Variants in CFAP161 observed in about 807,000 individuals in gnomAD.
CFAP161 encodes the protein cilia- and flagella-associated protein 161.
CFAP161 carries 25 observed loss-of-function variants against 29.0 expected under a neutral mutation model. The ratio of observed to expected loss-of-function variants is 0.86; its 90% CI spans 0.63 to 1.20. The LOEUF (loss-of-function observed/expected upper bound fraction) is 1.20. Among genes scored for constraint, CFAP161 ranks in the 50% most tolerant of loss-of-function variants. The pLI is 0.00. For missense variants in CFAP161, 367 were observed against 371.9 expected (o/e 0.99, Z 0.11); for synonymous variants, 116 against 137.4 (o/e 0.84, Z 1.09).
At chr15:81,103,212 A>G (rs1194152803) in intron 1 of CFAP161, among the ~76,000 whole-genome samples, 2 of 152,220 alleles carry the variant, frequency 1.3e-5, no homozygotes, top group African/African-American at 4.8e-5. Flanking sequence ...AGATAGTATT[A>G]CTGTAGTGTT....
Position 81,136,761 on chromosome 15 carries a change from T to G in CFAP161, c.392+13T>G, listed in dbSNP as rs751301994. ...TTATCATTTTGAGGTAAAGAGACTT[T>G]AATTTTCAGTTCATTTTCATCATAA... On this transcript the variant is annotated intron_variant, in intron 3 of 6. Transcript: ENST00000286732. The G allele has an allele frequency of 1.3e-6, 2 of 1,586,452 alleles. No individual in the cohort carries two copies. Among genetic ancestry groups the G allele is most frequent in the African/African-American group, 2.7e-5 (2 of 74,218 alleles).
chr15:81,130,606 A>G (rs1321861550), upstream of CFAP161, among the ~76,000 whole-genome samples: 1 of 152,230 alleles, frequency 6.6e-6, no homozygotes, highest in Non-Finnish European at 1.5e-5. Flanking sequence ...AGGCTGAGGC[A>G]GGAGAATCGC....
chr15:81,147,295 T>C (rs1464014628), intron 5 of CFAP161, among the ~76,000 whole-genome samples: 1 of 152,062 alleles, frequency 6.6e-6, no homozygotes, highest in Non-Finnish European at 1.5e-5. Context: ...TCCCCCCCAG[T>C]ACCCGCTCTT....
At chr15:81,110,070 T>C (rs547981440) in intron 1 of CFAP161, among the ~76,000 whole-genome samples, 4 of 152,302 alleles carry the variant, frequency 2.6e-5, no homozygotes, top group Non-Finnish European at 4.4e-5. Context: ...GTCTTATCCT[T>C]CTTAGTGCCT....
chr15:81,146,855 TATATATATATATATATATATATATA>T (rs1895015834), intron 5 of CFAP161, among the ~76,000 whole-genome samples: 1 of 50,236 alleles, frequency 2.0e-5, no homozygotes, highest in African/African-American at 1.4e-4. Flanking sequence ...TATATATATA[TATATATATATATATATATATATATA>T]TATTTAAAAA....
At chr15:81,124,909 G>A (rs1276286769) in intron 1 of CFAP161, among the ~76,000 whole-genome samples, 3 of 151,864 alleles carry the variant, frequency 2.0e-5, no homozygotes, top group Admixed American at 6.6e-5. Flanking sequence ...TATATTAATA[G>A]ACTCATATAC....
intron 1 of CFAP161, among the ~76,000 whole-genome samples, chr15:81,123,976 A>G (rs1041921691): frequency 3.9e-5 from 6 of 152,304 alleles, no homozygotes; most frequent in African/African-American, 1.4e-4. Flanking sequence ...GGATCATGTC[A>G]TCTACAAACA....
Position 81,125,644 on chromosome 15 carries a change from G to A in CFAP161, c.-141-1946G>A, listed in dbSNP as rs114171551. Among the ~76,000 whole-genome samples the A allele has an allele frequency of 9.2e-3, 1,404 of 152,114 alleles. 27 individuals carry two copies. The highest frequency in any genetic ancestry group is 0.032 in the African/African-American group (1,343 of 41,468). ...GAACTAAAAGGTATCTGGGCTAATG[G>A]CTATATACATATTATATTTTATATG... is the stretch of plus-strand genomic sequence containing the variant. On this transcript the variant is annotated intron_variant, in intron 1 of 4. Transcript: ENST00000560091.
chr15:81,112,056 A>G (rs1894445098), intron 1 of CFAP161, among the ~76,000 whole-genome samples: 1 of 152,188 alleles, frequency 6.6e-6, no homozygotes, highest in South Asian at 2.1e-4. Flanking sequence ...TTTCACACCT[A>G]TTAACATATT....
At chr15:81,140,592 T>C (rs180712618) in intron 4 of CFAP161, among the ~76,000 whole-genome samples, 1 of 151,886 alleles carries the variant, frequency 6.6e-6, no homozygotes, top group East Asian at 1.9e-4. Flanking sequence ...AGGGTCTCAC[T>C]CTGTCACTTA....
intron 5 of CFAP161, among the ~76,000 whole-genome samples, chr15:81,144,421 C>G (rs976880438): frequency 6.6e-6 from 1 of 152,032 alleles, no homozygotes; most frequent in Non-Finnish European, 1.5e-5. Context: ...ATGGCAAAAC[C>G]CCTGTCTCTA....
chr15:81,131,070 T>C (rs117076288), upstream of CFAP161, among the ~76,000 whole-genome samples: 453 of 150,230 alleles, frequency 3.0e-3, 17 homozygotes, highest in East Asian at 0.08. Flanking sequence ...GAAGTGAGCG[T>C]ATGCTGTTGG....
chr15:81,138,864 A>G (rs1359734903), intron 4 of CFAP161, among the ~76,000 whole-genome samples: 2 of 152,212 alleles, frequency 1.3e-5, no homozygotes, highest in Admixed American at 6.5e-5. Flanking sequence ...TGAGGCACCA[A>G]GAGGTTAAGT....
intron 1 of CFAP161, among the ~76,000 whole-genome samples, chr15:81,104,632 A>G (rs1894340087): frequency 6.6e-6 from 1 of 152,234 alleles, no homozygotes; most frequent in African/African-American, 2.4e-5. Context: ...AATATATAAA[A>G]GAATTCTTTC....
At chr15:81,134,191 G>A (rs373743851), upstream of CFAP161, 179 of 1,016,622 alleles carry the variant, frequency 1.8e-4, 1 homozygote, top group African/African-American at 2.7e-3. Flanking sequence ...CCCGCCCCAG[G>A]GCGAGGGTGC....
intron 1 of CFAP161, among the ~76,000 whole-genome samples, chr15:81,120,744 G>A (rs1293838121): frequency 1.3e-5 from 2 of 152,216 alleles, no homozygotes; most frequent in Non-Finnish European, 1.5e-5. Context: ...ATGCAGTGAG[G>A]TGCAGCAAAA....
At chr15:81,106,392 G>C (rs191250799) in intron 1 of CFAP161, among the ~76,000 whole-genome samples, 11 of 152,164 alleles carry the variant, frequency 7.2e-5, no homozygotes, top group Non-Finnish European at 1.2e-4. Context: ...GGATGGTCTC[G>C]ATCTCCTGAC....
At chr15:81,134,631 C>G (rs748083098) in intron 1 of CFAP161, among the ~76,000 whole-genome samples, 1 of 152,128 alleles carries the variant, frequency 6.6e-6, no homozygotes, top group South Asian at 2.1e-4. Context: ...CTCTGGGTCC[C>G]TTGGCCTCCC....
chr15:81,114,005 G>C (rs1489110692), intron 1 of CFAP161, among the ~76,000 whole-genome samples: 3 of 152,174 alleles, frequency 2.0e-5, no homozygotes, highest in Non-Finnish European at 4.4e-5. Flanking sequence ...GGTTTTAGGA[G>C]CTCTGTGCCA....
Sources: allele counts gnomAD v4.1 joint callset (sites outside exome capture counted in the v4.1 genomes callset), GRCh38; gene constraint gnomAD v4.1.1; transcripts MANE v1.5; gene names NCBI Gene and HGNC (gene_info 2026-07-23, HGNC 2026-07-21).